The following TMEM18 variants were observed in gnomAD, a reference collection of about 807,000 sequenced individuals.
The protein encoded by TMEM18 is transmembrane protein 18.
In TMEM18, 14 loss-of-function variants were observed where a neutral mutation model predicts 17.4. The observed-to-expected ratio is 0.80, with a 90% confidence interval of 0.53 to 1.25. TMEM18 has a LOEUF of 1.25. Among genes scored for constraint, TMEM18 ranks in the 50% most tolerant of loss-of-function variants. The probability of loss-of-function intolerance (pLI) is 0.00; values close to 1 mark genes in which losing one functional copy is unlikely to be tolerated. For synonymous variants in TMEM18, 86 were observed against 66.1 expected (o/e 1.30, Z -1.46); for missense variants, 187 against 172.1 (o/e 1.09, Z -0.48).
chr2:675,991 T>C (rs1678994092), intron 1 of TMEM18: 1 of 1,306,614 alleles, frequency 7.7e-7, no homozygotes, highest in Admixed American at 2.3e-5. Context: ...ACGATGATAA[T>C]TGGTTATGAT....
In TMEM18 at chr2:665,952, A is replaced by G. The variant is rs529662028; in HGVS notation, c.*3628T>C. Among the ~76,000 whole-genome samples, 4 of 150,652 alleles carry G rather than the reference A, an allele frequency of 2.7e-5. No homozygotes were observed. The highest frequency in any genetic ancestry group is 1.3e-4 in the Admixed American group (2 of 15,120). On this transcript the variant is annotated 3_prime_UTR_variant, in exon 5 of 5. Transcript: ENST00000281017. ...TGGAGTGTTAACCCCACGCACACAA[A>G]ACCCAGAGATGCGGATGCCCAGCTC...
intron 1 of TMEM18, 118 bp downstream of exon 1, chr2:677,171 A>T: frequency 7.4e-7 from 1 of 1,358,894 alleles, no homozygotes; most frequent in Non-Finnish European, 1.0e-6. Flanking sequence ...GCGCTCCGCC[A>T]CAAGGCCCCG....
intron 3 of TMEM18, 150 bp from the exon 4 acceptor site, chr2:670,000 A>C (rs1432227387): frequency 4.8e-6 from 3 of 629,152 alleles, no homozygotes; most frequent in African/African-American, 1.8e-5. Flanking sequence ...GAGCAGCGGT[A>C]ATCTCCACTG....
chr2:674,022 G>A (rs955054734), intron 2 of TMEM18, among the ~76,000 whole-genome samples: 3 of 152,134 alleles, frequency 2.0e-5, no homozygotes, highest in Middle Eastern at 3.2e-3. Flanking sequence ...AATCTTGATG[G>A]TGCTGGTTAT....
rs1284423089 is a variant in TMEM18 at position 664,770 on chromosome 2, A to C, written c.*4810T>G. On this transcript the variant is annotated 3_prime_UTR_variant, in exon 5 of 5. Transcript: ENST00000281017. ...CACTTGTAAGAATTTATTCCAAGTC[A>C]ATAGTGGAAATGTAGGCATGTGAGG... Among the ~76,000 whole-genome samples the C allele has an allele frequency of 6.6e-6, 1 of 152,260 alleles. No individual in the cohort carries two copies. The highest frequency in any genetic ancestry group is 2.4e-5 in the African/African-American group (1 of 41,474).
Position 672,793 on chromosome 2 carries a change from C to T in TMEM18, c.233+15G>A, listed in dbSNP as rs552508699. On this transcript the variant is annotated intron_variant, in intron 3 of 4. Transcript: ENST00000281017. ...CCCTGCAGGGACCTGGTCACAGGCC[C>T]GGGGGTGGGCTCACCTCCAGTTCAT... is the stretch of plus-strand genomic sequence containing the variant. 36 of 1,460,628 alleles carry T rather than the reference C, an allele frequency of 2.5e-5. No individual in the cohort carries two copies. In the East Asian group the frequency reaches 8.0e-4, roughly 32 times the overall value. 90.5% of individuals were successfully genotyped at this position (1,460,628 alleles called of 1,614,324 possible).
At chr2:676,271 T>C in intron 1 of TMEM18, 2 of 1,456,696 alleles carry the variant, frequency 1.4e-6, no homozygotes, top group South Asian at 1.2e-5. Context: ...GGACCTGAAG[T>C]AGCCAGGCTC....
At position 672,810 on chromosome 2, in the gene TMEM18, C is replaced by G; in HGVS notation, c.231G>C (p.Trp77Cys). The change falls in exon 3 of 5, where the codon TGG becomes TGC. Residue 77 changes from tryptophan to cysteine, a missense_variant and splice_region_variant. Physicochemically the swap from Trp to Cys is radical, Grantham distance 215. Coordinates refer to ENST00000281017, the MANE Select transcript of TMEM18 (RefSeq NM_152834.4). ...CACAGGCCCGGGGGTGGGCTCACCTCCAGTTCATCGCAGCCGCCTCATTGA... is the reference window on the plus strand; with the variant it reads ...CACAGGCCCGGGGGTGGGCTCACCTGCAGTTCATCGCAGCCGCCTCATTGA... Reference protein sequence around the residue: ...EYINEAAAMNWRLFSKYQYFD... With the variant: ...EYINEAAAMNCRLFSKYQYFD... 6.8e-7 allele frequency: 1 copy of G among 1,473,082 alleles called. No homozygotes were observed. The highest frequency in any genetic ancestry group is 2.8e-5 in the East Asian group (1 of 36,304). The allele number at this position is 1,473,082 out of a possible 1,614,324, so 91.3% of individuals were successfully genotyped here.
Position 675,498 on chromosome 2 carries a change from T to G in TMEM18, c.178+12A>C. On this transcript the variant is annotated intron_variant, in intron 2 of 4. Transcript: ENST00000281017. ...GTGATCTGAGTTGTGGAGTTTGTGT[T>G]GTTTTACTCACCTAGACACAGAAAG... 1.2e-6 allele frequency: 2 copies of G among 1,614,150 alleles called. No individual in the cohort carries two copies. The highest frequency in any genetic ancestry group is 1.7e-6 in the Non-Finnish European group (2 of 1,180,008).
chr2:669,907 G>T, intron 3 of TMEM18, 57 bp from the exon 4 acceptor site: 2 of 1,346,840 alleles, frequency 1.5e-6, no homozygotes, highest in South Asian at 1.3e-5. Context: ...AAGTTCTAGT[G>T]ACACCGTCTA....
intron 3 of TMEM18, among the ~76,000 whole-genome samples, chr2:671,254 G>T (rs990061621): frequency 6.6e-6 from 1 of 152,194 alleles, no homozygotes; most frequent in Non-Finnish European, 1.5e-5. Context: ...GGAGGGGCCA[G>T]AAAGGTGCTG....
Position 666,570 on chromosome 2 carries a change from CA to C in TMEM18, c.*3009del, listed in dbSNP as rs1216271677. ...AGCTGCCACCAACGCATGGCACCCA[CA>C]GCCTGCGTGGGCCTCGCCGCCCCAT... On this transcript the variant is annotated 3_prime_UTR_variant, in exon 5 of 5. Coordinates refer to ENST00000281017, the MANE Select transcript of TMEM18 (RefSeq NM_152834.4). Among the ~76,000 whole-genome samples the C allele has an allele frequency of 2.6e-5, 4 of 152,194 alleles. No individual in the cohort carries two copies. Among genetic ancestry groups the C allele is most frequent in the African/African-American group, 9.6e-5 (4 of 41,454 alleles).
intron 3 of TMEM18, 47 bp downstream of exon 3, chr2:672,761 G>A (rs1678888340): frequency 1.4e-6 from 2 of 1,410,536 alleles, no homozygotes; most frequent in Non-Finnish European, 1.9e-6. Flanking sequence ...GCCATTCCCA[G>A]GGACACCCCT....
intron 1 of TMEM18, chr2:676,075 G>C (rs1271239689): frequency 7.6e-7 from 1 of 1,321,470 alleles, no homozygotes; most frequent in East Asian, 5.3e-5. Context: ...GGTAAAACAT[G>C]AATCATCATT....
chr2:674,622 T>G (rs974362239), intron 2 of TMEM18, among the ~76,000 whole-genome samples: 1 of 152,260 alleles, frequency 6.6e-6, no homozygotes, highest in Admixed American at 6.5e-5. Context: ...CTCACTTGCA[T>G]AGGCCCCCAC....
chr2:672,771 T>C (rs1572411722), intron 3 of TMEM18, 37 bp downstream of exon 3: 1 of 1,437,862 alleles, frequency 7.0e-7, no homozygotes, highest in South Asian at 1.6e-5. Flanking sequence ...GGGACACCCC[T>C]GCAGGGACCT....
intron 1 of TMEM18, chr2:676,257 T>G: frequency 1.4e-6 from 2 of 1,437,026 alleles, no homozygotes; most frequent in Non-Finnish European, 1.9e-6. Context: ...AGTGTCTGGC[T>G]CAGGGACCTG....
At chr2:672,661 G>A (rs1319810435) in intron 3 of TMEM18, 147 bp downstream of exon 3, 6 of 577,932 alleles carry the variant, frequency 1.0e-5, no homozygotes, top group Non-Finnish European at 1.6e-5. Flanking sequence ...TCACCCTGGA[G>A]CCCACCAACC....
At position 675,605 on chromosome 2, in the gene TMEM18, A is replaced by G. The variant is rs1322962069; in HGVS notation, c.83T>C (p.Leu28Pro). 2 of 1,614,078 alleles carry G rather than the reference A, an allele frequency of 1.2e-6. No homozygotes were observed. Among genetic ancestry groups the G allele is most frequent in the African/African-American group, 2.7e-5 (2 of 74,946 alleles). ...CGCGTGGAAGGTGGCCAGCCCCATG[A>G]GCCAGGGCTCAGTCCAGTCCGTCTG... is the stretch of plus-strand genomic sequence containing the variant. Reference protein sequence around the residue: ...LTQTDWTEPWLMGLATFHALC... With the variant: ...LTQTDWTEPWPMGLATFHALC... Residue 28 changes from leucine to proline, a missense_variant, in exon 2 of 5, where the codon CTC (leucine) becomes CCC (proline). Physicochemically the swap from Leu to Pro is moderately conservative, Grantham distance 98. Coordinates refer to ENST00000281017, the MANE Select transcript of TMEM18 (RefSeq NM_152834.4).
Sources: allele counts gnomAD v4.1 joint callset (sites outside exome capture counted in the v4.1 genomes callset), GRCh38; gene constraint gnomAD v4.1.1; transcripts MANE v1.5; gene names NCBI Gene and HGNC (gene_info 2026-07-23, HGNC 2026-07-21).